The following MAST4 variants were observed in gnomAD, a reference collection of about 807,000 sequenced individuals.
MAST4 encodes the protein microtubule associated serine/threonine kinase family member 4.
A neutral mutation model predicts 162.7 loss-of-function variants in MAST4; 89 were observed. That is an observed-to-expected ratio of 0.55 (90% CI 0.46 to 0.65). The LOEUF is 0.65. Ranked by LOEUF, MAST4 falls within the 30% of genes least tolerant of loss-of-function variation. The probability of loss-of-function intolerance (pLI) is 0.00; values close to 1 mark genes in which losing one functional copy is unlikely to be tolerated. For missense variants in MAST4, 3,153 were observed against 3,374.0 expected (o/e 0.93, Z 1.62); for synonymous variants, 1,479 against 1,361.1 (o/e 1.09, Z -1.91).
At chr5:66,896,894 A>T (rs1057514966) in intron 3 of MAST4, among the ~76,000 whole-genome samples, 5 of 152,140 alleles carry the variant, frequency 3.3e-5, no homozygotes, top group African/African-American at 1.2e-4. Flanking sequence ...ATATTGAGAG[A>T]TCTCAAAAAC....
intron 24 of MAST4, 150 bp from the exon 25 acceptor site, chr5:67,152,487 T>C: frequency 1.6e-6 from 1 of 638,528 alleles, no homozygotes; most frequent in South Asian, 1.9e-5. Flanking sequence ...AACATTTTTG[T>C]ATTATTTCAT....
At chr5:66,827,654 G>A (rs561286598) in intron 3 of MAST4, among the ~76,000 whole-genome samples, 4 of 152,154 alleles carry the variant, frequency 2.6e-5, no homozygotes, top group Non-Finnish European at 4.4e-5. Context: ...AGATAACTGG[G>A]TTAAGTAAAA....
chr5:67,091,474 AC>A (rs1244466342), intron 6 of MAST4, among the ~76,000 whole-genome samples: 3 of 152,162 alleles, frequency 2.0e-5, no homozygotes, highest in Non-Finnish European at 4.4e-5. Context: ...CTTATTTAGT[AC>A]TGTAAGAAAA....
chr5:66,643,317 A>G (rs1406256996), intron 1 of MAST4, among the ~76,000 whole-genome samples: 4 of 152,160 alleles, frequency 2.6e-5, no homozygotes, highest in Non-Finnish European at 4.4e-5. Context: ...ATTGAGTTGA[A>G]GCTCAGTAAT....
chr5:66,761,793 C>G (rs1753863933), intron 2 of MAST4, among the ~76,000 whole-genome samples: 1 of 152,160 alleles, frequency 6.6e-6, no homozygotes, highest in Admixed American at 6.5e-5. Flanking sequence ...TCTTCTAATG[C>G]TTGTTAGGAT....
chr5:66,661,050 A>G (rs1746874984), intron 1 of MAST4, among the ~76,000 whole-genome samples: 1 of 152,102 alleles, frequency 6.6e-6, no homozygotes, highest in African/African-American at 2.4e-5. Context: ...AAGTTTTGGG[A>G]GAGTAGTATT....
At chr5:66,815,677 T>C (rs1756683379) in intron 3 of MAST4, among the ~76,000 whole-genome samples, 1 of 152,214 alleles carries the variant, frequency 6.6e-6, no homozygotes, top group African/African-American at 2.4e-5. Context: ...CTAAAGAAAC[T>C]GGTATTATTT....
At chr5:66,968,963 G>GT (rs1304644135) in intron 4 of MAST4, among the ~76,000 whole-genome samples, 1 of 152,212 alleles carries the variant, frequency 6.6e-6, no homozygotes, top group Non-Finnish European at 1.5e-5. Flanking sequence ...GTAGTAGAAT[G>GT]TAAGTTCTGG....
intron 4 of MAST4, among the ~76,000 whole-genome samples, chr5:67,008,995 T>C (rs10471696): frequency 0.24 from 35,788 of 152,116 alleles, 4,447 homozygotes; most frequent in Non-Finnish European, 0.27. Context: ...GCCCTGGTAT[T>C]CCAGGTGTTA....
chr5:66,657,560 G>A (rs995330334), intron 1 of MAST4, among the ~76,000 whole-genome samples: 7 of 152,072 alleles, frequency 4.6e-5, no homozygotes, highest in African/African-American at 1.4e-4. Context: ...AGGTAAAATC[G>A]GTATTTGTAG....
intron 1 of MAST4, among the ~76,000 whole-genome samples, chr5:66,756,536 G>A (rs972190821): frequency 3.3e-5 from 5 of 152,174 alleles, no homozygotes; most frequent in African/African-American, 1.2e-4. Context: ...GTCTGGAAAA[G>A]TTGGAAAACA....
At chr5:67,082,062 A>T (rs2150745001) in intron 5 of MAST4, among the ~76,000 whole-genome samples, 1 of 152,150 alleles carries the variant, frequency 6.6e-6, no homozygotes, top group South Asian at 2.1e-4. Flanking sequence ...TTGCTCCCCC[A>T]CAAATTTCAT....
intron 1 of MAST4, among the ~76,000 whole-genome samples, chr5:66,603,641 T>C (rs1742689601): frequency 6.6e-6 from 1 of 152,242 alleles, no homozygotes; most frequent in Non-Finnish European, 1.5e-5. Flanking sequence ...AGAACTCCTG[T>C]ATGCAGATTA....
chr5:67,110,102 A>G lies in MAST4; in HGVS notation c.1361A>G (p.His454Arg), dbSNP rs1054984194. The G allele has an allele frequency of 2.2e-5, 35 of 1,611,888 alleles. No individual in the cohort carries two copies. Among genetic ancestry groups the G allele is most frequent in the African/African-American group, 2.7e-5 (2 of 74,864 alleles). ...HKLDKLLQEAHDRSESGELAF... is the reference protein window; with the variant it reads ...HKLDKLLQEARDRSESGELAF... ...CTCTTTATTGCTTTTTCATAGGCTCATGATCGTTCAGAAAGTGGAGAATTG... is the reference window on the plus strand; with the variant it reads ...CTCTTTATTGCTTTTTCATAGGCTCGTGATCGTTCAGAAAGTGGAGAATTG... Residue 454 changes from histidine to arginine, a missense_variant, in exon 11 of 29, where the codon CAT becomes CGT. Physicochemically the swap from His to Arg is conservative, Grantham distance 29 (BLOSUM62 0). Around this residue, in one of 7 missense-constraint regions of MAST4, gnomAD observed 360 missense variants for 450.0 expected, o/e 0.80. Transcript: ENST00000403625.
chr5:66,794,690 A>C (rs1202301126), intron 3 of MAST4, among the ~76,000 whole-genome samples: 1 of 152,200 alleles, frequency 6.6e-6, no homozygotes, highest in Admixed American at 6.5e-5. Context: ...TAGAATTCTT[A>C]ACTTTTTTGA....
At chr5:67,099,939 C>T (rs1764847013) in intron 7 of MAST4, among the ~76,000 whole-genome samples, 1 of 152,168 alleles carries the variant, frequency 6.6e-6, no homozygotes, top group Admixed American at 6.5e-5. Context: ...TTTAATCCCT[C>T]CCGTTTTACT....
intron 4 of MAST4, chr5:67,001,472 G>A (rs1292046239): frequency 2.0e-5 from 3 of 151,924 alleles, no homozygotes; most frequent in Non-Finnish European, 4.4e-5. Context: ...TAAATTTAAA[G>A]TATATGTAGT....
At chr5:66,676,190 C>G (rs532309379) in intron 1 of MAST4, among the ~76,000 whole-genome samples, 1 of 152,182 alleles carries the variant, frequency 6.6e-6, no homozygotes, top group African/African-American at 2.4e-5. Flanking sequence ...CATTAGCTAT[C>G]TACAAATACA....
chr5:67,141,988 T>C lies in MAST4; in HGVS notation c.2495-127T>C. 6.1e-6 allele frequency: 6 copies of C among 990,054 alleles called. No individual in the cohort carries two copies. The South Asian group carries it at 1.2e-4, about 20-fold the overall frequency. 61.3% of individuals were successfully genotyped at this position (990,054 alleles called of 1,614,324 possible). On this transcript the variant is annotated intron_variant, in intron 19 of 28. Transcript: ENST00000403625. ...GGGCTTTGGTTGTAGAATGAAAAAGTATGATTTTCATGTCTGTATTTCTTT... is the reference window on the plus strand; with the variant it reads ...GGGCTTTGGTTGTAGAATGAAAAAGCATGATTTTCATGTCTGTATTTCTTT...
Sources: allele counts gnomAD v4.1 joint callset (sites outside exome capture counted in the v4.1 genomes callset), GRCh38; gene constraint gnomAD v4.1.1; regional missense constraint gnomAD v4.1.1; transcripts MANE v1.5; gene names NCBI Gene and HGNC (gene_info 2026-07-23, HGNC 2026-07-21).